ASIC1: variants seen among roughly 807,000 people sequenced by gnomAD.
The protein encoded by ASIC1 is acid-sensing ion channel 1.
In ASIC1, 21 loss-of-function variants were observed where a neutral mutation model predicts 63.4. That is an observed-to-expected ratio of 0.33 (90% CI 0.23 to 0.48). The LOEUF (loss-of-function observed/expected upper bound fraction) is 0.48, where lower values mean the gene tolerates loss of function less well. Among genes scored for constraint, ASIC1 ranks in the 20% least tolerant of loss-of-function variants. ASIC1 has a pLI of 0.99. For synonymous variants in ASIC1, 258 were observed against 278.2 expected (o/e 0.93, Z 0.72); for missense variants, 478 against 695.5 (o/e 0.69, Z 3.52).
At position 50,059,741 on chromosome 12, in the gene ASIC1, C is replaced by T. The variant is rs745437693; in HGVS notation, c.363-18C>T. On this transcript the variant is annotated intron_variant, in intron 2 of 11. Transcript: ENST00000447966. This position sits in a 1 kb window ranked among gnomAD's most constrained non-coding sequence, Gnocchi z 4.6. ...GATGACTGTACTGACCCGTGTGTCA[C>T]TCACCCCCGGACCCCAGGTATGAGA... 2 of 1,608,604 alleles carry T rather than the reference C, an allele frequency of 1.2e-6. No individual in the cohort carries two copies. The highest frequency in any genetic ancestry group is 1.7e-6 in the Non-Finnish European group (2 of 1,177,374).
intron 3 of ASIC1, among the ~76,000 whole-genome samples, chr12:50,075,100 G>C (rs1365916059): frequency 1.3e-5 from 2 of 151,940 alleles, no homozygotes; most frequent in African/African-American, 4.8e-5. Flanking sequence ...TTCCAGGTCT[G>C]TCTGGCCTGA....
At chr12:50,080,296 T>C (rs141055749) in intron 8 of ASIC1, 129 of 758,666 alleles carry the variant, frequency 1.7e-4, no homozygotes, top group Non-Finnish European at 2.6e-4. Context: ...CACTTTATAC[T>C]TGATGCATAC....
In ASIC1 at chr12:50,059,153, G is replaced by T; in HGVS notation, c.362+25G>T. 6 of 1,607,308 alleles carry T rather than the reference G, an allele frequency of 3.7e-6. No individual in the cohort carries two copies. Among genetic ancestry groups the T allele is most frequent in the Non-Finnish European group, 5.1e-6 (6 of 1,177,044 alleles). ...GGTGGGTGGCTCCCACCCTCCCTCA[G>T]CCCTGCTCCTGGAGTTGCTTGAGTT... On this transcript the variant is annotated intron_variant, in intron 2 of 11. Transcript: ENST00000447966. This position sits in a 1 kb window ranked among gnomAD's most constrained non-coding sequence, Gnocchi z 4.6.
chr12:50,074,353 T>C lies in ASIC1; in HGVS notation c.559-2860T>C. 7.1e-7 allele frequency: 1 copy of C among 1,413,782 alleles called. No individual in the cohort carries two copies. Among genetic ancestry groups the C allele is most frequent in the South Asian group, 1.6e-5 (1 of 62,516 alleles). The allele number at this position is 1,413,782 out of a possible 1,614,324, so 87.6% of individuals were successfully genotyped here. On this transcript the variant is annotated intron_variant, in intron 3 of 11. Transcript: ENST00000447966. This position sits in a 1 kb window ranked among gnomAD's most constrained non-coding sequence, Gnocchi z 4.2. ...TGGGGCTGGGGCTGGGGCTGATGAC[T>C]GTGCTGCCCCCTACCTCATCTGGCT... is the stretch of plus-strand genomic sequence containing the variant.
chr12:50,068,633 G>A (rs1391145335), intron 3 of ASIC1, among the ~76,000 whole-genome samples: 1 of 151,530 alleles, frequency 6.6e-6, no homozygotes, highest in Admixed American at 6.6e-5. Context: ...CTACTTGGAT[G>A]TCCCTAAGAC....
intron 3 of ASIC1, among the ~76,000 whole-genome samples, chr12:50,069,700 A>AT (rs112116475): frequency 0.041 from 6,111 of 147,408 alleles, 418 homozygotes; most frequent in African/African-American, 0.14. Context: ...TGATAGAGTC[A>AT]TTTTTTTTTT....
In ASIC1 at chr12:50,081,956, G is replaced by C. The variant is rs1950725587; in HGVS notation, c.*307G>C. 2.6e-6 allele frequency: 1 copy of C among 386,898 alleles called. No individual in the cohort carries two copies. The highest frequency in any genetic ancestry group is 4.7e-6 in the Non-Finnish European group (1 of 211,682). 24.0% of individuals were successfully genotyped at this position (386,898 alleles called of 1,614,324 possible). On this transcript the variant is annotated 3_prime_UTR_variant, in exon 12 of 12. Transcript: ENST00000447966. ...TCCCAGCCTGAATTCTGTCTATCTA[G>C]CTGTCTGCCATCTGAGTGTCCATCT...
chr12:50,060,284 C>T (rs1414509521), intron 3 of ASIC1, among the ~76,000 whole-genome samples: 1 of 152,206 alleles, frequency 6.6e-6, no homozygotes, highest in Non-Finnish European at 1.5e-5. Context: ...CAGAGCTGAG[C>T]AGACAGGTGG....
chr12:50,069,863 G>T (rs1283466997), intron 3 of ASIC1, among the ~76,000 whole-genome samples: 1 of 152,186 alleles, frequency 6.6e-6, no homozygotes, highest in Non-Finnish European at 1.5e-5. Context: ...AGAAGCAAGG[G>T]ATTTGGAGAC....
Position 50,058,874 on chromosome 12 carries a change from C to T in ASIC1, c.108C>T (p.Tyr36=), listed in dbSNP as rs769980036. 23 of 1,614,002 alleles carry T rather than the reference C, an allele frequency of 1.4e-5. No individual in the cohort carries two copies. Among genetic ancestry groups the T allele is most frequent in the South Asian group, 4.4e-5 (4 of 91,088 alleles). Residue 36 remains tyrosine (Y), a synonymous_variant, in exon 2 of 12, where the codon TAC becomes TAT. Transcript: ENST00000447966. ...TLHGLAHIFS[Y]ERLSLKRALW... ...ACGGCCTGGCCCACATCTTCTCCTACGAGCGGCTGTCTCTGAAGCGGGCAC... is the reference window on the plus strand; with the variant it reads ...ACGGCCTGGCCCACATCTTCTCCTATGAGCGGCTGTCTCTGAAGCGGGCAC...
At position 50,078,830 on chromosome 12, in the gene ASIC1, T is replaced by G; in HGVS notation, c.995-94T>G. On this transcript the variant is annotated intron_variant, in intron 6 of 11. Transcript: ENST00000447966. This position sits in a 1 kb window ranked among gnomAD's most constrained non-coding sequence, Gnocchi z 6.0. ...GCCTGCCAGTCCTCCCTTCCCATCTTCTCCCAGCTTACACCTTCTAGGCCT... is the reference window on the plus strand; with the variant it reads ...GCCTGCCAGTCCTCCCTTCCCATCTGCTCCCAGCTTACACCTTCTAGGCCT... 6.8e-7 allele frequency: 1 copy of G among 1,462,880 alleles called. No individual in the cohort carries two copies. 90.6% of individuals were successfully genotyped at this position (1,462,880 alleles called of 1,614,324 possible).
rs767328195 is a variant in ASIC1, at chr12:50,059,135, G to A, written c.362+7G>A. 6.2e-7 allele frequency: 1 copy of A among 1,611,610 alleles called. No individual in the cohort carries two copies. Among genetic ancestry groups the A allele is most frequent in the Admixed American group, 1.7e-5 (1 of 60,000 alleles). ...TGGCCCTGCTCAACAACAGGTGGGT[G>A]GCTCCCACCCTCCCTCAGCCCTGCT... On this transcript the variant is annotated splice_region_variant and intron_variant, in intron 2 of 11. Transcript: ENST00000447966. This position sits in a 1 kb window ranked among gnomAD's most constrained non-coding sequence, Gnocchi z 4.6.
At chr12:50,073,867 G>C (rs1185275284) in intron 3 of ASIC1, 2 of 1,532,148 alleles carry the variant, frequency 1.3e-6, no homozygotes, top group African/African-American at 2.7e-5. Flanking sequence ...GTGGGCGGTG[G>C]CCTTTGTCCT....
At chr12:50,065,258 C>A (rs1000212152) in intron 3 of ASIC1, among the ~76,000 whole-genome samples, 15 of 152,290 alleles carry the variant, frequency 9.8e-5, no homozygotes, top group African/African-American at 3.1e-4. Flanking sequence ...TATAACGTCC[C>A]AGTCAGGACC....
chr12:50,060,789 A>G lies in ASIC1; in HGVS notation c.558+835A>G, dbSNP rs867730660. ...GTCACACAGATTCCTGAGGGTTAAG[A>G]CCTGGACCCAGATGGCAAAGAGACC... On this transcript the variant is annotated intron_variant, in intron 3 of 11. Transcript: ENST00000447966. Among the ~76,000 whole-genome samples the G allele has an allele frequency of 3.9e-5, 6 of 152,336 alleles. No homozygotes were observed. The Middle Eastern group carries it at 0.014, about 345-fold the overall frequency.
At position 50,083,225 on chromosome 12, in the gene ASIC1, A is replaced by G. The variant is rs937858512; in HGVS notation, c.*1576A>G. ...TCTGGTGAGGTGGGTTTGGGAGGAA[A>G]GAGAGGCCTAGAGGAGGAGTTGAAA... On this transcript the variant is annotated 3_prime_UTR_variant, in exon 12 of 12. Transcript: ENST00000447966. The G allele has an allele frequency of 3.3e-5, 5 of 152,236 alleles. No homozygotes were observed. The highest frequency in any genetic ancestry group is 1.2e-4 in the African/African-American group (5 of 41,448). 9.4% of individuals were successfully genotyped at this position (152,236 alleles called of 1,614,324 possible).
chr12:50,066,732 A>G (rs1950548785), intron 3 of ASIC1, among the ~76,000 whole-genome samples: 1 of 151,568 alleles, frequency 6.6e-6, no homozygotes. Flanking sequence ...GAACTTCTCC[A>G]CTCTTCTCAG....
Position 50,059,251 on chromosome 12 carries a change from C to T in ASIC1, c.362+123C>T. 4 of 1,354,706 alleles carry T rather than the reference C, an allele frequency of 3.0e-6. No homozygotes were observed. Among genetic ancestry groups the T allele is most frequent in the Non-Finnish European group, 4.0e-6 (4 of 1,007,884 alleles). The allele number at this position is 1,354,706 out of a possible 1,614,324, so 83.9% of individuals were successfully genotyped here. On this transcript the variant is annotated intron_variant, in intron 2 of 11. Transcript: ENST00000447966. This position sits in a 1 kb window ranked among gnomAD's most constrained non-coding sequence, Gnocchi z 4.6. Reference sequence around the variant, plus strand: ...CCTGCCCTTTAACCCACCCCCACCCCCAAACCTGCCACTCACAGCAGAGGA... The same window carrying T: ...CCTGCCCTTTAACCCACCCCCACCCTCAAACCTGCCACTCACAGCAGAGGA...
rs186264910 is a variant in ASIC1, at chr12:50,069,866, T to G, written c.559-7347T>G. Among the ~76,000 whole-genome samples, 383 of 152,290 alleles carry G rather than the reference T, an allele frequency of 2.5e-3. 1 individual carries two copies. Among genetic ancestry groups the G allele is most frequent in the African/African-American group, 8.8e-3 (365 of 41,554 alleles). ...ATGCAAGAATGAAGAAGCAAGGGATTTGGAGACAGATGACCTCATTCCAGC... is the reference window on the plus strand; with the variant it reads ...ATGCAAGAATGAAGAAGCAAGGGATGTGGAGACAGATGACCTCATTCCAGC... On this transcript the variant is annotated intron_variant, in intron 3 of 11. Transcript: ENST00000447966.
Sources: allele counts gnomAD v4.1 joint callset (sites outside exome capture counted in the v4.1 genomes callset), GRCh38; gene constraint gnomAD v4.1.1; non-coding constraint Gnocchi (gnomAD v3.1); transcripts MANE v1.5; gene names NCBI Gene and HGNC (gene_info 2026-07-23, HGNC 2026-07-21).